Variants in JPH3 observed in about 807,000 individuals in gnomAD.
JPH3 encodes the protein junctophilin-3.
A neutral mutation model predicts 59.6 loss-of-function variants in JPH3; 11 were observed. That is an observed-to-expected ratio of 0.18 (90% CI 0.12 to 0.31). The LOEUF (loss-of-function observed/expected upper bound fraction) is 0.31. Ranked by LOEUF, JPH3 falls within the 10% of genes least tolerant of loss-of-function variation. The pLI is 1.00. For missense variants in JPH3, 1,202 were observed against 1,105.7 expected, an observed-to-expected ratio of 1.09 and a Z score of -1.24; for synonymous variants, 673 against 483.6, an observed-to-expected ratio of 1.39 and a Z score of -5.14.
At chr16:87,660,636 G>A (rs891358092) in intron 2 of JPH3, among the ~76,000 whole-genome samples, 6 of 152,130 alleles carry the variant, frequency 3.9e-5, no homozygotes, top group South Asian at 2.1e-4. Context: ...GCCACAGCTC[G>A]GGGCAAAGCC....
At position 87,649,516 on chromosome 16, in the gene JPH3, C is replaced by T. The variant is rs576228376; in HGVS notation, c.1160+4481C>T. On this transcript the variant is annotated intron_variant, in intron 2 of 4. Coordinates refer to ENST00000284262, the MANE Select transcript of JPH3 (RefSeq NM_020655.4). ...CCTTGATCTGCTGCTCACTAGAGGC[C>T]CTGGGTTGGGAATCGGAATGTAAAT... Among the ~76,000 whole-genome samples, 10 of 152,256 alleles carry T rather than the reference C, an allele frequency of 6.6e-5. No homozygotes were observed. In the South Asian group the frequency reaches 1.5e-3, roughly 22 times the overall value.
chr16:87,646,921 T>G (rs2032172459), intron 2 of JPH3, among the ~76,000 whole-genome samples: 1 of 152,108 alleles, frequency 6.6e-6, no homozygotes. Context: ...TGAGATAGTT[T>G]TCAGACGAAT....
intron 3 of JPH3, among the ~76,000 whole-genome samples, chr16:87,684,729 G>A (rs1050629470): frequency 2.6e-5 from 4 of 152,256 alleles, no homozygotes; most frequent in Non-Finnish European, 4.4e-5. Context: ...ACACCCAGTG[G>A]CTGCTGGGTT....
chr16:87,638,847 G>A (rs187865486), intron 1 of JPH3, among the ~76,000 whole-genome samples: 202 of 151,720 alleles, frequency 1.3e-3, no homozygotes, highest in African/African-American at 4.7e-3. Context: ...CCAGCCTGGC[G>A]TCACCCTCTA....
At chr16:87,686,741 C>G (rs1181923426) in intron 3 of JPH3, among the ~76,000 whole-genome samples, 2 of 152,206 alleles carry the variant, frequency 1.3e-5, no homozygotes, top group Admixed American at 1.3e-4. Flanking sequence ...CTGGAGGGCT[C>G]AGGTCCCTGC....
chr16:87,684,775 C>T (rs550701997), intron 3 of JPH3, among the ~76,000 whole-genome samples: 91 of 152,308 alleles, frequency 6.0e-4, no homozygotes, highest in African/African-American at 2.2e-3. Flanking sequence ...CGCTGTGCCC[C>T]TCGGAAAGAG....
At chr16:87,636,072 C>G (rs1430396639) in intron 1 of JPH3, among the ~76,000 whole-genome samples, 1 of 152,252 alleles carries the variant, frequency 6.6e-6, no homozygotes, top group African/African-American at 2.4e-5. Flanking sequence ...TGCGGGGCAG[C>G]TTTGTCCCCC....
At chr16:87,667,205 C>T (rs570999984) in intron 2 of JPH3, among the ~76,000 whole-genome samples, 6 of 152,350 alleles carry the variant, frequency 3.9e-5, no homozygotes, top group Admixed American at 2.0e-4. Context: ...CTGCCCCGTC[C>T]TGAGCACAGC....
intron 1 of JPH3, among the ~76,000 whole-genome samples, chr16:87,628,184 A>G (rs2031445832): frequency 6.6e-6 from 1 of 152,240 alleles, no homozygotes; most frequent in African/African-American, 2.4e-5. Flanking sequence ...AGCCAGCAGG[A>G]CGCCCAGGTC....
intron 2 of JPH3, among the ~76,000 whole-genome samples, chr16:87,650,143 C>T (rs1371125243): frequency 1.3e-5 from 2 of 152,222 alleles, no homozygotes; most frequent in African/African-American, 4.8e-5. Flanking sequence ...CCTCTTGGTG[C>T]CGTTTTCCCA....
At chr16:87,663,077 A>G (rs1174422380) in intron 2 of JPH3, among the ~76,000 whole-genome samples, 1 of 151,480 alleles carries the variant, frequency 6.6e-6, no homozygotes, top group East Asian at 1.9e-4. Context: ...CCAGGGCTAC[A>G]GATTTCCTGG....
chr16:87,639,699 G>A (rs1428170817), intron 1 of JPH3, among the ~76,000 whole-genome samples: 24 of 151,070 alleles, frequency 1.6e-4, no homozygotes, highest in Admixed American at 1.3e-3. Context: ...CGCACCCTCC[G>A]TTCTACTTTC....
intron 1 of JPH3, among the ~76,000 whole-genome samples, chr16:87,634,463 G>A (rs1009970491): frequency 1.3e-5 from 2 of 152,212 alleles, no homozygotes; most frequent in African/African-American, 4.8e-5. Flanking sequence ...GTGGAGGCCT[G>A]GCCGCCTTCC....
At chr16:87,680,634 C>T (rs1269607286) in intron 2 of JPH3, among the ~76,000 whole-genome samples, 1 of 152,184 alleles carries the variant, frequency 6.6e-6, no homozygotes, top group Non-Finnish European at 1.5e-5. Flanking sequence ...AGATGCCCTC[C>T]CTGCCTGTGC....
intron 1 of JPH3, among the ~76,000 whole-genome samples, chr16:87,643,079 G>A (rs948170055): frequency 2.6e-5 from 4 of 152,074 alleles, no homozygotes; most frequent in South Asian, 4.2e-4. Context: ...TGCACCCACC[G>A]CGCTTTCTGC....
intron 2 of JPH3, among the ~76,000 whole-genome samples, chr16:87,676,586 TAGTC>T (rs1327349747): frequency 2.0e-5 from 3 of 151,546 alleles, no homozygotes; most frequent in Non-Finnish European, 4.4e-5. Flanking sequence ...ATACAAAAAT[TAGTC>T]AGGCATGGTG....
intron 1 of JPH3, among the ~76,000 whole-genome samples, chr16:87,634,880 C>T (rs886997232): frequency 9.2e-5 from 14 of 152,234 alleles, no homozygotes; most frequent in African/African-American, 2.7e-4. Context: ...GTTTCAGTCC[C>T]GCTCTAGCTG....
intron 3 of JPH3, among the ~76,000 whole-genome samples, chr16:87,685,657 G>C (rs1489189897): frequency 6.6e-6 from 1 of 152,232 alleles, no homozygotes; most frequent in Admixed American, 6.5e-5. Flanking sequence ...ACCCTGGCTG[G>C]GCCACTCCAC....
rs141595922 is a variant in JPH3, at chr16:87,689,009, G to A, written c.1286-637G>A. 4.7e-3 allele frequency among the ~76,000 whole-genome samples: 717 copies of A among 152,230 alleles called. 5 individuals carry two copies. The highest frequency in any genetic ancestry group is 0.038 in the East Asian group (197 of 5,156). ...GATGGGGACTGAGCCACCGGCAGACGACAGGGACTCTGCTGGCTGCAGAGC... is the reference window on the plus strand; with the variant it reads ...GATGGGGACTGAGCCACCGGCAGACAACAGGGACTCTGCTGGCTGCAGAGC... On this transcript the variant is annotated intron_variant, in intron 3 of 4. Coordinates refer to ENST00000284262, the MANE Select transcript of JPH3 (RefSeq NM_020655.4).
Sources: gnomAD v4.1 joint callset for allele counts (sites outside exome capture counted in the v4.1 genomes callset) on GRCh38, gnomAD v4.1.1 for gene constraint, MANE v1.5 for transcripts, NCBI Gene and HGNC (gene_info 2026-07-23, HGNC 2026-07-21) for gene names.